The following DIP2B variants were observed in gnomAD, a reference collection of about 807,000 sequenced individuals.
The protein encoded by DIP2B is disco-interacting protein 2 homolog B.
In DIP2B, 76 loss-of-function variants were observed where a neutral mutation model predicts 198.0. That is an observed-to-expected ratio of 0.38 (90% CI 0.32 to 0.46). DIP2B has a LOEUF of 0.46. Ranked by LOEUF, DIP2B falls within the 20% of genes least tolerant of loss-of-function variation. DIP2B has a pLI of 0.99. For missense variants in DIP2B, 1,559 were observed against 1,978.4 expected, an observed-to-expected ratio of 0.79 and a Z score of 4.02; for synonymous variants, 701 against 739.1, an observed-to-expected ratio of 0.95 and a Z score of 0.84.
At chr12:50,605,014 G>T (rs1406470688) in intron 1 of DIP2B, among the ~76,000 whole-genome samples, 1 of 152,040 alleles carries the variant, frequency 6.6e-6, no homozygotes, top group Non-Finnish European at 1.5e-5. Flanking sequence ...GAAACATGAT[G>T]AATTGCTTAA....
intron 3 of DIP2B, among the ~76,000 whole-genome samples, chr12:50,647,051 TG>T (rs1241092175): frequency 3.6e-5 from 4 of 109,966 alleles, no homozygotes; most frequent in Non-Finnish European, 5.4e-5. Context: ...TGTCTTTTTT[TG>T]GGGGGAGGGG....
intron 2 of DIP2B, among the ~76,000 whole-genome samples, chr12:50,630,955 G>C (rs1340091713): frequency 6.6e-6 from 1 of 152,130 alleles, no homozygotes; most frequent in East Asian, 1.9e-4. Context: ...ACAGGTGTGA[G>C]CCACCGTGCC....
intron 3 of DIP2B, among the ~76,000 whole-genome samples, chr12:50,649,808 A>G (rs1012522234): frequency 1.3e-5 from 2 of 152,142 alleles, no homozygotes. Context: ...GTGAGCCGAG[A>G]TTGTGCCACT....
intron 13 of DIP2B, among the ~76,000 whole-genome samples, chr12:50,691,415 C>T (rs1043930043): frequency 1.3e-5 from 2 of 152,068 alleles, no homozygotes; most frequent in Admixed American, 6.6e-5. Context: ...TTTTTGTTAG[C>T]TGTGGAATGG....
intron 2 of DIP2B, among the ~76,000 whole-genome samples, chr12:50,629,004 A>G (rs1937990359): frequency 6.6e-6 from 1 of 151,942 alleles, no homozygotes; most frequent in Admixed American, 6.6e-5. Context: ...TCACCCTCCC[A>G]AGTAGCTGGG....
intron 4 of DIP2B, among the ~76,000 whole-genome samples, chr12:50,666,134 G>C (rs1938748193): frequency 6.6e-6 from 1 of 152,190 alleles, no homozygotes; most frequent in Non-Finnish European, 1.5e-5. Flanking sequence ...TGAATATCCA[G>C]TGTTCTTTAA....
chr12:50,742,393 T>TGAAAAA (rs1940261246), intron 37 of DIP2B, among the ~76,000 whole-genome samples: 1 of 7,572 alleles, frequency 1.3e-4, no homozygotes, highest in African/African-American at 5.9e-4. Context: ...TGAGACTGTC[T>TGAAAAA]CAAAAAAAAA....
At chr12:50,519,078 C>T (rs1958092231) in intron 1 of DIP2B, among the ~76,000 whole-genome samples, 1 of 151,892 alleles carries the variant, frequency 6.6e-6, no homozygotes, top group African/African-American at 2.4e-5. Flanking sequence ...GGGGGTAGGG[C>T]TCCCTGGAGG....
intron 1 of DIP2B, among the ~76,000 whole-genome samples, chr12:50,547,866 C>T (rs1023430353): frequency 1.1e-4 from 16 of 152,014 alleles, no homozygotes; most frequent in African/African-American, 2.7e-4. Flanking sequence ...GACAGGAGTT[C>T]GAGACCAACT....
At chr12:50,548,588 C>T (rs1000734615) in intron 1 of DIP2B, among the ~76,000 whole-genome samples, 3 of 152,186 alleles carry the variant, frequency 2.0e-5, no homozygotes, top group East Asian at 1.9e-4. Context: ...TGCAATGGCA[C>T]GGTCTCGGCT....
intron 1 of DIP2B, among the ~76,000 whole-genome samples, chr12:50,588,819 A>G (rs1211986031): frequency 2.0e-5 from 3 of 152,180 alleles, no homozygotes; most frequent in Non-Finnish European, 2.9e-5. Flanking sequence ...AAATCTCTTA[A>G]TTTCCAGAAT....
In DIP2B at chr12:50,589,800, T is replaced by C. The variant is rs114266168; in HGVS notation, c.101-36176T>C. On this transcript the variant is annotated intron_variant, in intron 1 of 37. Coordinates refer to ENST00000301180, the MANE Select transcript of DIP2B (RefSeq NM_173602.3). ...CTTAAATTTTAAACAACTGAGTAAT[T>C]TAGGACCATCAGGAAGAAAAATTAA... Among the ~76,000 whole-genome samples, 1,079 of 152,182 alleles carry C rather than the reference T, an allele frequency of 7.1e-3. 16 individuals are homozygous for C. Among genetic ancestry groups the C allele is most frequent in the African/African-American group, 0.025 (1,038 of 41,498 alleles).
intron 25 of DIP2B, among the ~76,000 whole-genome samples, chr12:50,720,840 TTTA>T (rs1024009707): frequency 6.6e-6 from 1 of 152,146 alleles, no homozygotes; most frequent in African/African-American, 2.4e-5. Flanking sequence ...TTGATTTTAT[TTTA>T]TTATTATTTT....
chr12:50,533,771 A>G (rs1452212668), intron 1 of DIP2B, among the ~76,000 whole-genome samples: 4 of 151,980 alleles, frequency 2.6e-5, no homozygotes, highest in Non-Finnish European at 4.4e-5. Context: ...AAATTTTTTT[A>G]GACAGAGATT....
chr12:50,538,330 A>T (rs1958288348), intron 1 of DIP2B, among the ~76,000 whole-genome samples: 1 of 152,162 alleles, frequency 6.6e-6, no homozygotes, highest in South Asian at 2.1e-4. Context: ...TGTGAAGAGA[A>T]CAAGTGCATC....
chr12:50,675,240 C>G, intron 6 of DIP2B, 89 bp from the exon 7 acceptor site: 1 of 1,505,316 alleles, frequency 6.6e-7, no homozygotes, highest in Non-Finnish European at 8.9e-7. Context: ...CGCCAAACAT[C>G]CTTAGAAATA....
chr12:50,543,254 A>G (rs11169486), intron 1 of DIP2B, among the ~76,000 whole-genome samples: 48,510 of 151,578 alleles, frequency 0.32, 7,929 homozygotes, highest in South Asian at 0.39. Context: ...GACAATTTCA[A>G]TGTCTTATGC....
chr12:50,588,466 A>T (rs996320770), intron 1 of DIP2B, among the ~76,000 whole-genome samples: 1 of 152,222 alleles, frequency 6.6e-6, no homozygotes, highest in Non-Finnish European at 1.5e-5. Flanking sequence ...ATCAGTACTT[A>T]TACTGTACTG....
At chr12:50,712,748 A>C (rs1226061088) in intron 22 of DIP2B, among the ~76,000 whole-genome samples, 2 of 152,082 alleles carry the variant, frequency 1.3e-5, no homozygotes, top group African/African-American at 4.8e-5. Context: ...CTCTAATAAA[A>C]ATACAAAAAA....
Sources: allele counts gnomAD v4.1 joint callset (sites outside exome capture counted in the v4.1 genomes callset), GRCh38; gene constraint gnomAD v4.1.1; transcripts MANE v1.5; gene names NCBI Gene and HGNC (gene_info 2026-07-23, HGNC 2026-07-21).